PDE3A: variants seen among roughly 807,000 people sequenced by gnomAD.
The protein encoded by PDE3A is phosphodiesterase 3A, also known as cGMP-inhibited 3',5'-cyclic phosphodiesterase 3A.
In PDE3A, 43 loss-of-function variants were observed where a neutral mutation model predicts 98.3. That is an observed-to-expected ratio of 0.44 (90% CI 0.34 to 0.56). The LOEUF is 0.56. PDE3A is among the 20% of genes least tolerant of loss of function. PDE3A has a pLI of 0.01. For missense variants in PDE3A, 1,427 were observed against 1,440.7 expected (o/e 0.99, Z 0.15); for synonymous variants, 663 against 567.9 (o/e 1.17, Z -2.38).
rs1943405596 is a variant in PDE3A, at chr12:20,369,193, GTGT to G, written c.-91_-89del. 1.7e-5 allele frequency: 6 copies of G among 360,342 alleles called. No individual in the cohort carries two copies. The highest frequency in any genetic ancestry group is 2.5e-5 in the Non-Finnish European group (6 of 243,610). 22.3% of individuals were successfully genotyped at this position (360,342 alleles called of 1,614,324 possible). ...GGAATTGGGAAGAGCGTGCGTGCGT[GTGT>G]GTGTGTGTGTGTGTGCGCGCGCGCG... On this transcript the variant is annotated 5_prime_UTR_variant, in exon 1 of 16. Coordinates refer to ENST00000359062, the MANE Select transcript of PDE3A (RefSeq NM_000921.5).
intron 1 of PDE3A, among the ~76,000 whole-genome samples, chr12:20,502,546 C>A (rs1318225689): frequency 2.6e-5 from 4 of 152,058 alleles, no homozygotes; most frequent in African/African-American, 7.2e-5. Flanking sequence ...AGAGTGTGAT[C>A]AGGTCAGGGA....
intron 15 of PDE3A, among the ~76,000 whole-genome samples, chr12:20,667,271 G>A (rs927151513): frequency 2.6e-5 from 4 of 152,054 alleles, no homozygotes; most frequent in South Asian, 2.1e-4. Context: ...GAAGGTTTTC[G>A]TTTTTAGTTT....
At chr12:20,640,681 T>C (rs1020877948) in intron 10 of PDE3A, among the ~76,000 whole-genome samples, 7 of 152,112 alleles carry the variant, frequency 4.6e-5, no homozygotes, top group Non-Finnish European at 1.0e-4. Context: ...TAAATTTTCA[T>C]TATGTAGCAT....
chr12:20,506,147 T>C (rs747784050), intron 1 of PDE3A, among the ~76,000 whole-genome samples: 14 of 151,600 alleles, frequency 9.2e-5, no homozygotes, highest in South Asian at 4.1e-4. Context: ...TGTAGCAGGT[T>C]AAACAAATGA....
intron 2 of PDE3A, among the ~76,000 whole-genome samples, chr12:20,598,166 CTTTT>C (rs947551408): frequency 1.3e-5 from 2 of 150,384 alleles, no homozygotes; most frequent in Non-Finnish European, 2.9e-5. Context: ...ACTTTTATTT[CTTTT>C]TTTAATTATT....
At chr12:20,594,069 T>G (rs1943405481) in intron 2 of PDE3A, among the ~76,000 whole-genome samples, 1 of 152,152 alleles carries the variant, frequency 6.6e-6, no homozygotes, top group Non-Finnish European at 1.5e-5. Context: ...AGATATTTAT[T>G]AATATTGATA....
intron 15 of PDE3A, among the ~76,000 whole-genome samples, chr12:20,672,673 C>T (rs1443294001): frequency 8.4e-6 from 1 of 119,010 alleles, no homozygotes; most frequent in African/African-American, 3.4e-5. Flanking sequence ...TGGATCCCTT[C>T]CTTACACCTT....
chr12:20,599,802 A>T (rs1215336690), intron 2 of PDE3A, among the ~76,000 whole-genome samples: 1 of 152,036 alleles, frequency 6.6e-6, no homozygotes, highest in Non-Finnish European at 1.5e-5. Flanking sequence ...TTTTCATGAG[A>T]CTTGTCTCTA....
At position 20,613,467 on chromosome 12, in the gene PDE3A, G is replaced by A. The variant is rs756146557; in HGVS notation, c.1036G>A (p.Asp346Asn). The A allele has an allele frequency of 6.2e-7, 1 of 1,614,094 alleles. No homozygotes were observed. Among genetic ancestry groups the A allele is most frequent in the Non-Finnish European group, 8.5e-7 (1 of 1,179,968 alleles). The stretch of plus-strand genomic sequence containing the variant: ...GTCTTCAGGAACCAGTATTACTGTG[G>A]ACATCGCCGTCATGGGCGAGGCCCA... ...SQSSGTSITV[D>N]IAVMGEAHGL... is the part of the protein sequence containing the mutation. The change falls in exon 3 of 16, where the codon GAC becomes AAC. Residue 346 changes from aspartate to asparagine, a missense_variant. By Grantham distance (23) the Asp-to-Asn change is conservative. Transcript: ENST00000359062.
intron 15 of PDE3A, among the ~76,000 whole-genome samples, chr12:20,678,472 G>A (rs550529905): frequency 6.6e-6 from 1 of 152,230 alleles, no homozygotes; most frequent in East Asian, 1.9e-4. Flanking sequence ...GGTATGCTAA[G>A]GTAGAACCTT....
intron 1 of PDE3A, among the ~76,000 whole-genome samples, chr12:20,400,379 G>GTTTTTTTTTTTTTTTTTTTT (rs75851941): frequency 1.4e-4 from 15 of 110,282 alleles, no homozygotes; most frequent in Non-Finnish European, 2.4e-4. Context: ...GTTAACATTG[G>GTTTTTTTTTTTTTTTTTTTT]TTTTTTTTTT....
At chr12:20,452,827 T>G (rs1217333266) in intron 1 of PDE3A, among the ~76,000 whole-genome samples, 1 of 152,204 alleles carries the variant, frequency 6.6e-6, no homozygotes, top group Admixed American at 6.5e-5. Context: ...CCCCTGACAC[T>G]GAATGGCTTC....
Position 20,450,047 on chromosome 12 carries a change from T to A in PDE3A, c.960+79803T>A, listed in dbSNP as rs753526396. ...TTACGGAAGTTTTTCATTCCACAATTGCATATTTCTTCAAGCTCCTTCATC... is the reference window on the plus strand; with the variant it reads ...TTACGGAAGTTTTTCATTCCACAATAGCATATTTCTTCAAGCTCCTTCATC... On this transcript the variant is annotated intron_variant, in intron 1 of 15. Coordinates refer to ENST00000359062, the MANE Select transcript of PDE3A (RefSeq NM_000921.5). The A allele has an allele frequency of 1.1e-4, 69 of 620,980 alleles. No homozygotes were observed. The Middle Eastern group carries it at 4.0e-3, about 36-fold the overall frequency. 38.5% of individuals were successfully genotyped at this position (620,980 alleles called of 1,614,324 possible). A position where few individuals can be genotyped will look rare whatever the true frequency, so the allele number is the denominator to read the frequency against.
chr12:20,519,256 C>G (rs745464180), intron 1 of PDE3A, among the ~76,000 whole-genome samples: 1 of 152,152 alleles, frequency 6.6e-6, no homozygotes, highest in Non-Finnish European at 1.5e-5. Flanking sequence ...ACTCCTGTTA[C>G]AGAACACCAG....
chr12:20,628,277 G>A (rs1944310931), intron 5 of PDE3A, among the ~76,000 whole-genome samples: 1 of 152,110 alleles, frequency 6.6e-6, no homozygotes, highest in African/African-American at 2.4e-5. Flanking sequence ...TAAAACCTTT[G>A]TGAACTTAAT....
intron 1 of PDE3A, among the ~76,000 whole-genome samples, chr12:20,548,547 TTA>T (rs1942117661): frequency 6.6e-6 from 1 of 152,106 alleles, no homozygotes; most frequent in Non-Finnish European, 1.5e-5. Flanking sequence ...CCTCTCTGTT[TTA>T]TGTTTCTAGC....
In PDE3A at chr12:20,646,840, G is replaced by A; in HGVS notation, c.2455G>A (p.Gly819Arg). Residue 819 changes from glycine (G) to arginine (R), a missense_variant, in exon 12 of 16, where the codon GGG becomes AGG. Transcript: ENST00000359062. ...AGATGATAAATACGGATGTCTGTCT[G>A]GGAATATCCCTGCCTTGGAGTTGAT... ...VTDDKYGCLS[G>R]NIPALELMAL... The A allele has an allele frequency of 2.5e-6, 4 of 1,612,194 alleles. No individual in the cohort carries two copies. Among genetic ancestry groups the A allele is most frequent in the Non-Finnish European group, 3.4e-6 (4 of 1,178,280 alleles).
intron 15 of PDE3A, among the ~76,000 whole-genome samples, chr12:20,657,103 C>G (rs189040588): frequency 7.2e-5 from 11 of 152,170 alleles, no homozygotes; most frequent in African/African-American, 2.7e-4. Flanking sequence ...GAAATATTAT[C>G]TTTAAAGTAT....
chr12:20,451,436 G>T (rs959527004), intron 1 of PDE3A, among the ~76,000 whole-genome samples: 3 of 152,074 alleles, frequency 2.0e-5, no homozygotes, highest in African/African-American at 7.2e-5. Flanking sequence ...ACCACACCCA[G>T]CTAATGTTTG....
Sources: allele counts gnomAD v4.1 joint callset (sites outside exome capture counted in the v4.1 genomes callset), GRCh38; gene constraint gnomAD v4.1.1; transcripts MANE v1.5; gene names NCBI Gene and HGNC (gene_info 2026-07-23, HGNC 2026-07-21).